The following MALRD1 variants were observed in gnomAD, a reference collection of about 807,000 sequenced individuals.
The protein encoded by MALRD1 is MAM and LDL-receptor class A domain-containing protein 1.
A neutral mutation model predicts 242.1 loss-of-function variants in MALRD1; 247 were observed. The ratio of observed to expected loss-of-function variants is 1.02; its 90% CI spans 0.92 to 1.13. The LOEUF (loss-of-function observed/expected upper bound fraction) is 1.13. Among genes scored for constraint, MALRD1 ranks in the 50% most tolerant of loss-of-function variants. The probability of loss-of-function intolerance (pLI) is 0.00; values close to 1 mark genes in which losing one functional copy is unlikely to be tolerated. For missense variants in MALRD1, 2,989 were observed against 2,533.1 expected (o/e 1.18, Z -3.86); for synonymous variants, 995 against 866.6 (o/e 1.15, Z -2.60).
chr10:19,510,446 A>G (rs1008893045), intron 31 of MALRD1, among the ~76,000 whole-genome samples: 2 of 152,120 alleles, frequency 1.3e-5, no homozygotes, highest in South Asian at 4.1e-4. Flanking sequence ...TGGCTTTCCT[A>G]GGCAGAGTTC....
chr10:19,086,622 T>C (rs1418547795), intron 2 of MALRD1, among the ~76,000 whole-genome samples: 1 of 152,040 alleles, frequency 6.6e-6, no homozygotes, highest in East Asian at 1.9e-4. Context: ...CTGATCCAAC[T>C]CTTTCTGAAC....
At chr10:19,290,162 T>TA (rs1375921625) in intron 21 of MALRD1, 1 of 151,716 alleles carries the variant, frequency 6.6e-6, no homozygotes, top group African/African-American at 2.4e-5. Flanking sequence ...ATATTCTACT[T>TA]TTTTTTGCAT....
At chr10:19,715,677 T>C (rs1834348095) in intron 38 of MALRD1, among the ~76,000 whole-genome samples, 2 of 152,198 alleles carry the variant, frequency 1.3e-5, no homozygotes, top group Admixed American at 1.3e-4. Flanking sequence ...AGAAAAGAGA[T>C]TTGTTTGGCT....
At chr10:19,112,337 C>T (rs1836706402) in intron 5 of MALRD1, among the ~76,000 whole-genome samples, 2 of 151,864 alleles carry the variant, frequency 1.3e-5, no homozygotes, top group Non-Finnish European at 2.9e-5. Flanking sequence ...GTGGAGGGAG[C>T]ATCGGAGACA....
chr10:19,317,630 C>A (rs891410987), intron 21 of MALRD1, among the ~76,000 whole-genome samples: 10 of 151,920 alleles, frequency 6.6e-5, no homozygotes, highest in African/African-American at 2.4e-4. Context: ...TGTCCAGGCC[C>A]ACAGATTGAT....
chr10:19,680,446 A>G (rs1842318930), intron 36 of MALRD1, among the ~76,000 whole-genome samples: 1 of 152,050 alleles, frequency 6.6e-6, no homozygotes, highest in Non-Finnish European at 1.5e-5. Flanking sequence ...TTTGCCAGAA[A>G]CTAGGATTGC....
intron 36 of MALRD1, among the ~76,000 whole-genome samples, chr10:19,624,726 G>A (rs1394921532): frequency 6.6e-6 from 1 of 151,702 alleles, no homozygotes; most frequent in Non-Finnish European, 1.5e-5. Context: ...ATTAGCCGGG[G>A]GTGATGGCAC....
rs1425831064 is a variant in MALRD1, at chr10:19,584,139, C to T, written c.5681-11055C>T. ...TTTTTTTCTTTATTAGTCTTGCTAG[C>T]GGTCTATCAATTTTGTTGATCCTTT... On this transcript the variant is annotated intron_variant, in intron 33 of 39. Transcript: ENST00000454679. Among the ~76,000 whole-genome samples, 87 of 150,660 alleles carry T rather than the reference C, an allele frequency of 5.8e-4. 1 individual carries two copies. In the East Asian group the frequency reaches 0.013, roughly 23 times the overall value.
intron 18 of MALRD1, among the ~76,000 whole-genome samples, chr10:19,237,951 TTA>T (rs1334745156): frequency 0.012 from 1,021 of 86,518 alleles, 5 homozygotes; most frequent in Admixed American, 0.015. Context: ...GTTATATAAA[TTA>T]TATGTAATTT....
chr10:19,588,219 A>G (rs1296787573), intron 33 of MALRD1, among the ~76,000 whole-genome samples: 2 of 152,206 alleles, frequency 1.3e-5, no homozygotes, highest in East Asian at 3.9e-4. Flanking sequence ...GATTTATTCC[A>G]TGGAAATAGT....
At chr10:19,177,121 A>G (rs1056852076) in intron 14 of MALRD1, among the ~76,000 whole-genome samples, 8 of 152,064 alleles carry the variant, frequency 5.3e-5, no homozygotes, top group Admixed American at 3.9e-4. Context: ...TACTAAAAAT[A>G]CAAAAAAATT....
chr10:19,099,208 C>T (rs1474650498), intron 4 of MALRD1, among the ~76,000 whole-genome samples: 1 of 152,136 alleles, frequency 6.6e-6, no homozygotes, highest in East Asian at 1.9e-4. Flanking sequence ...TCTATGTTTA[C>T]AGCTCGATTT....
At chr10:19,085,589 T>C (rs868333746) in intron 2 of MALRD1, among the ~76,000 whole-genome samples, 1 of 151,938 alleles carries the variant, frequency 6.6e-6, no homozygotes, top group African/African-American at 2.4e-5. Flanking sequence ...TTAACCTTTA[T>C]TGAATATTTG....
chr10:19,142,257 T>C (rs1252726560), intron 10 of MALRD1, among the ~76,000 whole-genome samples: 2 of 151,114 alleles, frequency 1.3e-5, no homozygotes, highest in East Asian at 3.9e-4. Flanking sequence ...ATATTTAGTG[T>C]AGCAATGATC....
chr10:19,638,101 C>CAAAAAAAAA (rs56865342), intron 36 of MALRD1, among the ~76,000 whole-genome samples: 11 of 41,924 alleles, frequency 2.6e-4, no homozygotes, highest in East Asian at 1.0e-3. Context: ...AACTCACTCT[C>CAAAAAAAAA]AAAAAAAAAA....
chr10:19,256,017 T>C (rs34769672), intron 18 of MALRD1, among the ~76,000 whole-genome samples: 187 of 152,210 alleles, frequency 1.2e-3, no homozygotes, highest in Non-Finnish European at 2.0e-3. Context: ...TGAATGTGTA[T>C]ATATCCCTAA....
intron 18 of MALRD1, among the ~76,000 whole-genome samples, chr10:19,231,022 C>G (rs1223505443): frequency 6.6e-6 from 1 of 152,106 alleles, no homozygotes; most frequent in East Asian, 1.9e-4. Flanking sequence ...TGAAGTTTGC[C>G]TAGCTATTGG....
At chr10:19,282,973 A>G (rs533195609) in intron 20 of MALRD1, 46 bp from the exon 21 acceptor site, 5 of 1,406,818 alleles carry the variant, frequency 3.6e-6, no homozygotes, top group Non-Finnish European at 4.7e-6. Context: ...ACAGATAGAA[A>G]CTGCCACTTA....
chr10:19,357,095 G>A (rs934209026), intron 26 of MALRD1, among the ~76,000 whole-genome samples: 1 of 142,956 alleles, frequency 7.0e-6, no homozygotes, highest in African/African-American at 2.7e-5. Flanking sequence ...GGGCGACAGA[G>A]TGAGACTCTG....
Sources: allele counts gnomAD v4.1 joint callset (sites outside exome capture counted in the v4.1 genomes callset), GRCh38; gene constraint gnomAD v4.1.1; transcripts MANE v1.5; gene names NCBI Gene and HGNC (gene_info 2026-07-23, HGNC 2026-07-21).